The following HELZ variants were observed in gnomAD, a reference collection of about 807,000 sequenced individuals.
HELZ encodes helicase with zinc finger, also known as ATP-dependent RNA helicase with zinc finger domain.
HELZ carries 23 observed loss-of-function variants against 218.2 expected under a neutral mutation model. That is an observed-to-expected ratio of 0.11 (90% CI 0.08 to 0.15). The LOEUF is 0.15. Ranked by LOEUF, HELZ falls within the 10% of genes least tolerant of loss-of-function variation. HELZ has a pLI of 1.00. For missense variants in HELZ, 1,813 were observed against 2,353.7 expected (o/e 0.77, Z 4.75); for synonymous variants, 814 against 829.4 (o/e 0.98, Z 0.32).
chr17:67,239,925 A>G (rs1470711116), intron 2 of HELZ: 1 of 152,226 alleles, frequency 6.6e-6, no homozygotes, highest in Non-Finnish European at 1.5e-5. Context: ...GTGAGTTGCT[A>G]TGAGAATTAA....
chr17:67,087,369 C>T (rs1001859468), intron 31 of HELZ, among the ~76,000 whole-genome samples: 4 of 152,154 alleles, frequency 2.6e-5, no homozygotes, highest in African/African-American at 4.8e-5. Context: ...GTTTTCTTAT[C>T]TGTAGAATAT....
At chr17:67,093,178 C>T (rs548586025) in intron 31 of HELZ, among the ~76,000 whole-genome samples, 1 of 152,140 alleles carries the variant, frequency 6.6e-6, no homozygotes, top group African/African-American at 2.4e-5. Flanking sequence ...AGAAAAGGCA[C>T]TGCAGAAAAC....
chr17:67,150,793 T>C (rs1292690752), intron 18 of HELZ, among the ~76,000 whole-genome samples: 4 of 152,206 alleles, frequency 2.6e-5, no homozygotes, highest in African/African-American at 9.6e-5. Context: ...TTTTCTTCAG[T>C]AAAGAGCCAA....
chr17:67,169,098 TA>T (rs1033209287), intron 13 of HELZ, among the ~76,000 whole-genome samples: 11 of 149,410 alleles, frequency 7.4e-5, no homozygotes, highest in Admixed American at 6.7e-5. Flanking sequence ...GTCCCCAAAT[TA>T]AAAAAAAAGA....
At chr17:67,217,738 A>G (rs2040637834) in intron 4 of HELZ, among the ~76,000 whole-genome samples, 1 of 152,076 alleles carries the variant, frequency 6.6e-6, no homozygotes, top group South Asian at 2.1e-4. Context: ...CCAGTTTTAC[A>G]CATGGCTCAC....
intron 31 of HELZ, among the ~76,000 whole-genome samples, chr17:67,091,809 T>A (rs1393892087): frequency 6.6e-6 from 1 of 152,210 alleles, no homozygotes; most frequent in Non-Finnish European, 1.5e-5. Flanking sequence ...AAAACTAATC[T>A]ATTTAATTTC....
rs757566164 is a variant in HELZ at position 67,218,894 on chromosome 17, T to C, written c.-18-72A>G. 1.6e-5 allele frequency: 17 copies of C among 1,086,018 alleles called. No homozygotes were observed. The East Asian group carries it at 4.4e-4, about 28-fold the overall frequency. The allele number at this position is 1,086,018 out of a possible 1,614,324, so 67.3% of individuals were successfully genotyped here. ...ATTATAAATTCTAGCCCCATTCCTATCTCAGCTGGCTTAATTATCTATCTG... is the reference window on the plus strand; with the variant it reads ...ATTATAAATTCTAGCCCCATTCCTACCTCAGCTGGCTTAATTATCTATCTG... On this transcript the variant is annotated intron_variant, in intron 3 of 32. Transcript: ENST00000358691.
chr17:67,129,288 CATA>C (rs1395149672), intron 23 of HELZ, among the ~76,000 whole-genome samples: 2 of 151,810 alleles, frequency 1.3e-5, no homozygotes, highest in Non-Finnish European at 2.9e-5. Flanking sequence ...ATATAAATCA[CATA>C]ATTCTAATTT....
At chr17:67,230,511 C>T (rs1384004086) in intron 3 of HELZ, among the ~76,000 whole-genome samples, 2 of 147,436 alleles carry the variant, frequency 1.4e-5, no homozygotes, top group African/African-American at 2.5e-5. Flanking sequence ...GCAGGAGAAT[C>T]GCTTGAACCT....
intron 3 of HELZ, among the ~76,000 whole-genome samples, chr17:67,235,317 C>T (rs902388467): frequency 2.0e-4 from 31 of 152,042 alleles, no homozygotes; most frequent in Admixed American, 1.8e-3. Context: ...CCAGCCTGAA[C>T]AACATGGTGA....
chr17:67,237,617 T>C, intron 3 of HELZ, among the ~76,000 whole-genome samples: 1 of 152,036 alleles, frequency 6.6e-6, no homozygotes, highest in Non-Finnish European at 1.5e-5. Context: ...TTAAACCAGA[T>C]GAGTAAAAAA....
rs1340598753 is a variant in HELZ, at chr17:67,109,125, C to T, written c.4480G>A (p.Glu1494Lys). 4 of 1,606,144 alleles carry T rather than the reference C, an allele frequency of 2.5e-6. No homozygotes were observed. The highest frequency in any genetic ancestry group is 1.7e-5 in the Admixed American group (1 of 59,138). Residue 1494 changes from glutamate to lysine, a missense_variant, in exon 29 of 33, where the codon GAG (glutamate) becomes AAG (lysine). Transcript: ENST00000358691. ...DENPSGLPIGEALDRIHGSVA... is the reference protein window; with the variant it reads ...DENPSGLPIGKALDRIHGSVA... Reference sequence around the variant, plus strand: ...CAGTAATAGAACTTACCTAAAGCCTCCCCTATAGGTAATCCCGAGGGGTTC... The same window carrying T: ...CAGTAATAGAACTTACCTAAAGCCTTCCCTATAGGTAATCCCGAGGGGTTC...
intron 3 of HELZ, among the ~76,000 whole-genome samples, chr17:67,235,553 T>G (rs1041812601): frequency 4.7e-5 from 7 of 148,414 alleles, no homozygotes; most frequent in Non-Finnish European, 7.4e-5. Flanking sequence ...CCACAAATGG[T>G]CAAGCCTCAA....
At chr17:67,124,590 C>G (rs2037723008) in intron 24 of HELZ, among the ~76,000 whole-genome samples, 1 of 152,122 alleles carries the variant, frequency 6.6e-6, no homozygotes, top group Non-Finnish European at 1.5e-5. Flanking sequence ...AACTGCTAGA[C>G]AGCAATATGG....
chr17:67,108,601 G>A lies in HELZ; in HGVS notation c.4615C>T (p.His1539Tyr), dbSNP rs185339107. The change falls in exon 30 of 33, where the codon CAC (histidine) becomes TAC (tyrosine). Residue 1539 changes from histidine to tyrosine, a missense_variant. By Grantham distance (83) the His-to-Tyr change is moderately conservative (BLOSUM62 2). This residue lies in a region of HELZ where 938 missense variants were observed against 1,027.5 expected (regional missense o/e 0.91). Coordinates refer to ENST00000358691, the MANE Select transcript of HELZ (RefSeq NM_014877.4). The surrounding 1 kb of genome is among the most constrained non-coding windows in gnomAD (Gnocchi z 4.1). ...SAPYPHHHHP[H>Y]LQHLPQPPLG... Reference sequence around the variant, plus strand: ...GGCGGCTGAGGAAGATGCTGGAGGTGAGGATGGTGATGGTGTGGGTATGGA... The same window carrying A: ...GGCGGCTGAGGAAGATGCTGGAGGTAAGGATGGTGATGGTGTGGGTATGGA... The A allele has an allele frequency of 6.2e-7, 1 of 1,614,104 alleles. No individual in the cohort carries two copies. Among genetic ancestry groups the A allele is most frequent in the Admixed American group, 1.7e-5 (1 of 60,020 alleles).
chr17:67,156,488 T>A (rs2038845912), intron 17 of HELZ, among the ~76,000 whole-genome samples: 1 of 152,148 alleles, frequency 6.6e-6, no homozygotes, highest in Admixed American at 6.5e-5. Context: ...ACATTCAACA[T>A]GGCTTACCCT....
At chr17:67,226,264 AAAAAAAAG>A (rs1326588991) in intron 3 of HELZ, among the ~76,000 whole-genome samples, 2 of 151,406 alleles carry the variant, frequency 1.3e-5, no homozygotes, top group African/African-American at 4.8e-5. Flanking sequence ...TCTCAAAAAA[AAAAAAAAG>A]AAAAAAGGAA....
intron 3 of HELZ, among the ~76,000 whole-genome samples, chr17:67,237,111 G>A (rs1169011240): frequency 1.3e-5 from 2 of 152,036 alleles, no homozygotes; most frequent in East Asian, 1.9e-4. Flanking sequence ...AGGCCAAGGC[G>A]GGTGGATCAC....
At chr17:67,161,726 A>C (rs887652208) in intron 15 of HELZ, among the ~76,000 whole-genome samples, 1 of 152,200 alleles carries the variant, frequency 6.6e-6, no homozygotes, top group Non-Finnish European at 1.5e-5. Context: ...ATATTGGTCA[A>C]AGTAGAGAAC....
Sources: allele counts gnomAD v4.1 joint callset (sites outside exome capture counted in the v4.1 genomes callset), GRCh38; gene constraint gnomAD v4.1.1; regional missense constraint gnomAD v4.1.1; non-coding constraint Gnocchi (gnomAD v3.1); transcripts MANE v1.5; gene names NCBI Gene and HGNC (gene_info 2026-07-23, HGNC 2026-07-21).